The following PUDP variants were observed in gnomAD, a reference collection of about 807,000 sequenced individuals.
PUDP encodes pseudouridine-5'-phosphatase.
A neutral mutation model predicts 9.4 loss-of-function variants in PUDP; 8 were observed. The ratio of observed to expected loss-of-function variants is 0.85; its 90% confidence interval spans 0.50 to 1.53. PUDP has a LOEUF of 1.53. Among genes scored for constraint, PUDP ranks in the 40% most tolerant of loss-of-function variants. The pLI is 0.00. For missense variants in PUDP, 188 were observed against 189.7 expected (o/e 0.99, Z 0.05); for synonymous variants, 99 against 80.7 (o/e 1.23, Z -1.22).
In PUDP at chrX:6,833,873, A is replaced by G. The variant is rs142497907; in HGVS notation, c.*248-127407T>C. On this transcript the variant is annotated intron_variant and NMD_transcript_variant, in intron 3 of 3. Transcript: ENST00000655425. ...CCTGACCCATAAGAGTTGTTAAAAA[A>G]TTGATGGTTTCCTTCCAATTTAAAA... Among the ~76,000 whole-genome samples, 7 of 112,438 alleles carry G rather than the reference A, an allele frequency of 6.2e-5. No individual in the cohort carries two copies. In the Admixed American group the frequency reaches 6.6e-4, roughly 11 times the overall value.
At chrX:6,717,024 C>T (rs922799083) in intron 1 of PUDP, among the ~76,000 whole-genome samples, 11 of 111,534 alleles carry the variant, frequency 9.9e-5, no homozygotes, top group African/African-American at 3.6e-4. Context: ...CTACCTTGGC[C>T]TCCCAAAGTG....
At chrX:6,774,634 A>G (rs1210815921) in intron 3 of PUDP, among the ~76,000 whole-genome samples, 1 of 111,633 alleles carries the variant, frequency 9.0e-6, no homozygotes, top group African/African-American at 3.3e-5. Flanking sequence ...GGGGTTGGAG[A>G]GTCTCTGTTT....
At chrX:6,877,103 T>C (rs897348572) in intron 3 of PUDP, among the ~76,000 whole-genome samples, 5 of 109,943 alleles carry the variant, frequency 4.5e-5, no homozygotes, top group Non-Finnish European at 9.5e-5. Context: ...ACTATAGGCA[T>C]GTGCCACCAT....
chrX:7,083,611 T>A (rs1339606443), intron 2 of PUDP, among the ~76,000 whole-genome samples: 1 of 110,945 alleles, frequency 9.0e-6, no homozygotes, highest in African/African-American at 3.3e-5. Flanking sequence ...TAGAAATATG[T>A]CCGGTTTGGC....
intron 3 of PUDP, among the ~76,000 whole-genome samples, chrX:6,775,200 C>A (rs747157673): frequency 1.8e-5 from 2 of 111,857 alleles, no homozygotes; most frequent in South Asian, 7.5e-4. Context: ...TAGAGTGATA[C>A]AATATGTGGT....
Position 6,875,066 on chromosome X carries a change from T to A in PUDP, c.*247+102067A>T, listed in dbSNP as rs1177966261. Among the ~76,000 whole-genome samples, 4 of 111,531 alleles carry A rather than the reference T, an allele frequency of 3.6e-5. No homozygotes were observed. The South Asian group carries it at 1.5e-3, about 42-fold the overall frequency. On this transcript the variant is annotated intron_variant and NMD_transcript_variant, in intron 3 of 3. Coordinates refer to the PUDP transcript ENST00000655425. ...TTTTAAAATTTTATTTATCTTTAAA[T>A]TTATTTTGTTTTATTTTGTAGAGAC... is the stretch of plus-strand genomic sequence containing the variant.
At chrX:6,751,066 G>T (rs972806792) in intron 3 of PUDP, among the ~76,000 whole-genome samples, 1 of 109,662 alleles carries the variant, frequency 9.1e-6, no homozygotes, top group Non-Finnish European at 1.9e-5. Context: ...GGTGTGAACC[G>T]GGGAGGCGGA....
intron 3 of PUDP, among the ~76,000 whole-genome samples, chrX:6,726,606 A>G (rs141154457): frequency 8.0e-5 from 9 of 112,138 alleles, no homozygotes; most frequent in African/African-American, 2.6e-4. Flanking sequence ...ATTCTAAAGC[A>G]AATCCTGGTA....
At position 7,097,971 on chromosome X, in the gene PUDP, T is replaced by C. The variant is rs1382344620; in HGVS notation, c.280+7649A>G. 2.7e-5 allele frequency among the ~76,000 whole-genome samples: 3 copies of C among 111,807 alleles called. No individual in the cohort carries two copies. In the East Asian group the frequency reaches 8.5e-4, roughly 32 times the overall value. Reference sequence around the variant, plus strand: ...ACTAGAGCCCATGTCATGTGCATGGTGTCCATGTCATGGCTGGTGTGTGCT... The same window carrying C: ...ACTAGAGCCCATGTCATGTGCATGGCGTCCATGTCATGGCTGGTGTGTGCT... On this transcript the variant is annotated intron_variant, in intron 2 of 3. Coordinates refer to ENST00000381077, the MANE Select transcript of PUDP (RefSeq NM_012080.5).
intron 3 of PUDP, chrX:7,057,769 C>T (rs996972541): frequency 2.1e-5 from 24 of 1,152,090 alleles, no homozygotes; most frequent in Non-Finnish European, 2.6e-5. Context: ...GAGAAGGGAT[C>T]CCGGCAGCCC....
At chrX:7,041,558 T>C (rs1929922301) in intron 1 of PUDP, among the ~76,000 whole-genome samples, 1 of 112,090 alleles carries the variant, frequency 8.9e-6, no homozygotes, top group South Asian at 3.7e-4. Context: ...TTTCATCATC[T>C]GGAGTTTAAA....
intron 3 of PUDP, among the ~76,000 whole-genome samples, chrX:6,732,377 G>A (rs1304754550): frequency 9.0e-6 from 1 of 111,271 alleles, no homozygotes; most frequent in Non-Finnish European, 1.9e-5. Flanking sequence ...TGTTTTCCCT[G>A]ACAAACTTGT....
intron 3 of PUDP, among the ~76,000 whole-genome samples, chrX:6,814,481 T>C (rs996643695): frequency 9.0e-6 from 1 of 111,014 alleles, no homozygotes; most frequent in Non-Finnish European, 1.9e-5. Context: ...TTTATTTTCA[T>C]GATTGTTTTA....
In PUDP at chrX:6,815,783, A is replaced by G. The variant is rs183972414; in HGVS notation, c.*248-109317T>C. Among the ~76,000 whole-genome samples, 821 of 110,158 alleles carry G rather than the reference A, an allele frequency of 7.5e-3. 9 individuals are homozygous for G. The highest frequency in any genetic ancestry group is 0.026 in the African/African-American group (781 of 30,299). ...TTTCACAGAACTTTATTCTATTTTC[A>G]GAAACCTCAAATCATTGAAATATAC... On this transcript the variant is annotated intron_variant and NMD_transcript_variant, in intron 3 of 3. Transcript: ENST00000655425.
In PUDP at chrX:7,085,986, A is replaced by G. The variant is rs112527045; in HGVS notation, c.281-8537T>C. On this transcript the variant is annotated intron_variant, in intron 2 of 3. Transcript: ENST00000381077. ...CACTCCTGCAGACAAGCCTCTGTGG[A>G]AGGGCAGGAGCCTGACTTCTATCAG... Among the ~76,000 whole-genome samples the G allele has an allele frequency of 4.0e-3, 449 of 112,152 alleles. 2 individuals carry two copies. The highest frequency in any genetic ancestry group is 0.014 in the African/African-American group (433 of 30,856).
chrX:6,793,784 T>C (rs1387920977), intron 3 of PUDP, among the ~76,000 whole-genome samples: 2 of 111,106 alleles, frequency 1.8e-5, no homozygotes, highest in Non-Finnish European at 3.8e-5. Context: ...CTATGAGGAA[T>C]AGAAAACAAG....
chrX:6,940,556 A>G (rs57204048), intron 3 of PUDP, among the ~76,000 whole-genome samples: 1,976 of 111,709 alleles, frequency 0.018, 49 homozygotes, highest in African/African-American at 0.061. Flanking sequence ...GCTGTTCTTG[A>G]AGATAGCGAA....
intron 3 of PUDP, among the ~76,000 whole-genome samples, chrX:6,895,917 G>T (rs1000276214): frequency 1.8e-5 from 2 of 110,567 alleles, no homozygotes; most frequent in African/African-American, 3.3e-5. Flanking sequence ...GAAGGGGCGA[G>T]GGAGCTCTGT....
At chrX:7,143,720 AC>A (rs753174070) in intron 1 of PUDP, among the ~76,000 whole-genome samples, 3 of 112,127 alleles carry the variant, frequency 2.7e-5, no homozygotes, top group Non-Finnish European at 3.8e-5. Flanking sequence ...CTTAATAGGA[AC>A]ACACGTGTCT....
Sources: allele counts gnomAD v4.1 joint callset (sites outside exome capture counted in the v4.1 genomes callset), GRCh38; gene constraint gnomAD v4.1.1; transcripts MANE v1.5; gene names NCBI Gene and HGNC (gene_info 2026-07-23, HGNC 2026-07-21).